Variants in DGKD observed in about 807,000 individuals in gnomAD.
DGKD encodes diacylglycerol kinase delta, also known as DAG kinase delta.
Under a neutral mutation model 154.4 loss-of-function variants are expected in DGKD, and 68 were observed. The observed-to-expected ratio is 0.44, with a 90% CI of 0.36 to 0.54. DGKD has a LOEUF of 0.54. Among genes scored for constraint, DGKD ranks in the 20% least tolerant of loss-of-function variants. The pLI is 0.00. For synonymous variants in DGKD, 693 were observed against 638.0 expected, an observed-to-expected ratio of 1.09 and a Z score of -1.30; for missense variants, 1,343 against 1,593.6, an observed-to-expected ratio of 0.84 and a Z score of 2.68.
chr2:233,437,645 G>T (rs1227958453), intron 8 of DGKD, among the ~76,000 whole-genome samples, 166 bp downstream of exon 8: 1 of 152,230 alleles, frequency 6.6e-6, no homozygotes, highest in Non-Finnish European at 1.5e-5. Flanking sequence ...GGCACACGGC[G>T]CCCTGATGCT....
intron 12 of DGKD, among the ~76,000 whole-genome samples, chr2:233,447,308 A>C (rs1037899453): frequency 1.3e-5 from 2 of 152,088 alleles, no homozygotes; most frequent in Non-Finnish European, 1.5e-5. Context: ...TGTTGTGTTT[A>C]ACGCTCCTAC....
Position 233,462,753 on chromosome 2 carries a change from G to C in DGKD, c.3186+18G>C, listed in dbSNP as rs774651595. The C allele has an allele frequency of 3.2e-5, 51 of 1,607,632 alleles. No homozygotes were observed. In the Admixed American group the frequency reaches 8.2e-4, roughly 26 times the overall value. On this transcript the variant is annotated intron_variant, in intron 26 of 29. Transcript: ENST00000264057. ...TGGCCCTGGTAAGCTGGTGCCCCAG[G>C]GACAGCAGGGCTCGGGCTGTGTGTG...
chr2:233,439,668 C>T (rs1456866891), intron 9 of DGKD, among the ~76,000 whole-genome samples: 1 of 152,152 alleles, frequency 6.6e-6, no homozygotes, highest in African/African-American at 2.4e-5. Flanking sequence ...CTCAAACCAC[C>T]CTCCTGCCTT....
At chr2:233,417,317 G>C (rs1027784710) in intron 3 of DGKD, among the ~76,000 whole-genome samples, 2 of 152,204 alleles carry the variant, frequency 1.3e-5, no homozygotes, top group African/African-American at 4.8e-5. Flanking sequence ...ACAGTCATGA[G>C]CCCCTGCGCC....
intron 3 of DGKD, among the ~76,000 whole-genome samples, chr2:233,398,997 T>G (rs1268654780): frequency 6.6e-6 from 1 of 152,208 alleles, no homozygotes; most frequent in Non-Finnish European, 1.5e-5. Flanking sequence ...TTTTATGCTT[T>G]TATTTACTTA....
intron 3 of DGKD, among the ~76,000 whole-genome samples, 156 bp downstream of exon 3, chr2:233,390,639 C>CT (rs1311498542): frequency 6.6e-6 from 1 of 152,184 alleles, no homozygotes; most frequent in East Asian, 1.9e-4. Context: ...GAAAGTAATA[C>CT]TGTGGTTGGA....
In DGKD at chr2:233,438,059, G is replaced by A. The variant is rs537857476; in HGVS notation, c.923-158G>A. ...GCTCCCGGCCTCACACATGGAGACC[G>A]GCTGTGGGGAACTGTTCACTGACCT... On this transcript the variant is annotated intron_variant, in intron 8 of 29. Transcript: ENST00000264057. The surrounding 1 kb of genome is among the most constrained non-coding windows in gnomAD (Gnocchi z 4.1). Among the ~76,000 whole-genome samples, 1 of 152,188 alleles carries A rather than the reference G, an allele frequency of 6.6e-6. No homozygotes were observed. Among genetic ancestry groups the A allele is most frequent in the South Asian group, 2.1e-4 (1 of 4,830 alleles).
intron 5 of DGKD, among the ~76,000 whole-genome samples, chr2:233,435,548 G>T (rs1230988754): frequency 6.6e-6 from 1 of 152,198 alleles, no homozygotes; most frequent in Non-Finnish European, 1.5e-5. Flanking sequence ...TTGATTAGTG[G>T]TGACGGAAGC....
chr2:233,372,593 CT>C (rs60611265), intron 1 of DGKD, among the ~76,000 whole-genome samples: 2,291 of 147,300 alleles, frequency 0.016, 55 homozygotes, highest in African/African-American at 0.054. Flanking sequence ...AGACATAAGT[CT>C]TTTTTTTTTA....
At chr2:233,435,643 C>T (rs957237520) in intron 5 of DGKD, among the ~76,000 whole-genome samples, 175 bp from the exon 6 acceptor site, 2 of 152,138 alleles carry the variant, frequency 1.3e-5, no homozygotes, top group Admixed American at 6.5e-5. Flanking sequence ...CTGCCGCTGC[C>T]GGTCCCACCG....
At chr2:233,448,055 C>A in intron 12 of DGKD, 32 bp from the exon 13 acceptor site, 2 of 1,613,002 alleles carry the variant, frequency 1.2e-6, no homozygotes, top group South Asian at 1.1e-5. Context: ...GTCACAGAGA[C>A]CAACAGTCCT....
At chr2:233,375,740 T>C (rs1445017792) in intron 1 of DGKD, among the ~76,000 whole-genome samples, 1 of 152,046 alleles carries the variant, frequency 6.6e-6, no homozygotes, top group Non-Finnish European at 1.5e-5. Flanking sequence ...AAACAATTTA[T>C]GGAAATTTCC....
chr2:233,365,033 A>C (rs752778469), intron 1 of DGKD, among the ~76,000 whole-genome samples: 9 of 152,190 alleles, frequency 5.9e-5, no homozygotes, highest in Admixed American at 1.3e-4. Flanking sequence ...TAAATGAGAA[A>C]AAGTTCATTT....
At chr2:233,375,206 G>A (rs1379995062) in intron 1 of DGKD, among the ~76,000 whole-genome samples, 2 of 152,086 alleles carry the variant, frequency 1.3e-5, no homozygotes, top group Non-Finnish European at 2.9e-5. Context: ...CAGGAGAATC[G>A]TTTGAACCTG....
rs996394750 is a variant in DGKD, at chr2:233,452,623, G to A, written c.2264+563G>A. Among the ~76,000 whole-genome samples, 2 of 152,170 alleles carry A rather than the reference G, an allele frequency of 1.3e-5. No homozygotes were observed. Among genetic ancestry groups the A allele is most frequent in the African/African-American group, 2.4e-5 (1 of 41,430 alleles). On this transcript the variant is annotated intron_variant, in intron 18 of 29. Transcript: ENST00000264057. The surrounding 1 kb of genome is among the most constrained non-coding windows in gnomAD (Gnocchi z 4.0). ...CTTATAAGGGCTGCTGCGTGCCTGC[G>A]TGCTGATACTGCTACTCCTTGGGGG...
Position 233,469,661 on chromosome 2 carries a change from C to T in DGKD, c.*201C>T. 1.7e-6 allele frequency: 1 copy of T among 581,006 alleles called. No homozygotes were observed. Among genetic ancestry groups the T allele is most frequent in the Non-Finnish European group, 3.1e-6 (1 of 325,204 alleles). The allele number at this position is 581,006 out of a possible 1,614,324, so 36.0% of individuals were successfully genotyped here. A position where few individuals can be genotyped will look rare whatever the true frequency, so the allele number is the denominator to read the frequency against. ...TCCACCAGAGCTCTGGGGTCTCGAA[C>T]ATAACAACACAGCTACCTTTGAAAC... On this transcript the variant is annotated 3_prime_UTR_variant, in exon 30 of 30. Transcript: ENST00000264057.
intron 28 of DGKD, among the ~76,000 whole-genome samples, chr2:233,467,775 C>T (rs1044701580): frequency 4.6e-5 from 7 of 152,226 alleles, no homozygotes; most frequent in African/African-American, 1.4e-4. Context: ...GAGAGGCCTC[C>T]AAGCCTGGAT....
chr2:233,362,862 C>T lies in DGKD; in HGVS notation c.156+8188C>T, dbSNP rs1000337423. On this transcript the variant is annotated intron_variant, in intron 1 of 29. Transcript: ENST00000264057. ...AGATTATAATGAAGCTGAAAAATTC[C>T]AATTGTCTAGTGACGTGGTAGCTGT... 1.9e-4 allele frequency among the ~76,000 whole-genome samples: 29 copies of T among 152,132 alleles called. No homozygotes were observed. The South Asian group carries it at 2.7e-3, about 14-fold the overall frequency.
intron 27 of DGKD, 128 bp downstream of exon 27, chr2:233,464,411 C>T (rs1289494201): frequency 1.7e-6 from 2 of 1,202,884 alleles, no homozygotes; most frequent in Non-Finnish European, 2.4e-6. Context: ...CCCTGAGGGG[C>T]CTTCTCCAGA....
Sources: gnomAD v4.1 joint callset for allele counts (sites outside exome capture counted in the v4.1 genomes callset) on GRCh38, gnomAD v4.1.1 for gene constraint, Gnocchi (gnomAD v3.1) non-coding constraint, MANE v1.5 for transcripts, NCBI Gene and HGNC (gene_info 2026-07-23, HGNC 2026-07-21) for gene names.